The following UGT8 variants were observed in gnomAD, a reference collection of about 807,000 sequenced individuals.
The protein encoded by UGT8 is UDP glycosyltransferase 8, also known as 2-hydroxyacylsphingosine 1-beta-galactosyltransferase.
In UGT8, 12 loss-of-function variants were observed where a neutral mutation model predicts 40.5. That is an observed-to-expected ratio of 0.30 (90% CI 0.19 to 0.48). UGT8 has a LOEUF of 0.48. UGT8 is among the 20% of genes least tolerant of loss of function. The pLI is 0.99. For missense variants in UGT8, 513 were observed against 648.7 expected (o/e 0.79, Z 2.27); for synonymous variants, 224 against 240.4 (o/e 0.93, Z 0.63).
intron 2 of UGT8, among the ~76,000 whole-genome samples, chr4:114,647,558 G>T (rs1191416490): frequency 4.6e-5 from 7 of 152,016 alleles, no homozygotes; most frequent in Admixed American, 4.6e-4. Flanking sequence ...TAGAGGCGGG[G>T]TTTCACCACA....
intron 1 of UGT8, among the ~76,000 whole-genome samples, chr4:114,600,635 T>A (rs1268373600): frequency 2.0e-5 from 3 of 152,218 alleles, no homozygotes; most frequent in Non-Finnish European, 4.4e-5. Context: ...CAGTACCCAA[T>A]GGTTATCTTT....
chr4:114,630,427 C>G (rs1004957135), intron 2 of UGT8, among the ~76,000 whole-genome samples: 14 of 152,202 alleles, frequency 9.2e-5, no homozygotes, highest in Admixed American at 8.5e-4. Flanking sequence ...GCAGTTATTA[C>G]TCTATTACTC....
At chr4:114,663,973 A>T in intron 2 of UGT8, 22 bp from the exon 3 acceptor site, 1 of 1,613,016 alleles carries the variant, frequency 6.2e-7, no homozygotes, top group Non-Finnish European at 8.5e-7. Flanking sequence ...CGTAAAACTT[A>T]CTGCCATGTT....
intron 2 of UGT8, among the ~76,000 whole-genome samples, chr4:114,641,963 A>G (rs990354485): frequency 1.3e-5 from 2 of 152,204 alleles, no homozygotes; most frequent in African/African-American, 4.8e-5. Flanking sequence ...ACAAGATGAC[A>G]TGCAATAGTT....
intron 1 of UGT8, among the ~76,000 whole-genome samples, chr4:114,599,739 A>T (rs1730326748): frequency 6.6e-6 from 1 of 152,056 alleles, no homozygotes; most frequent in Non-Finnish European, 1.5e-5. Flanking sequence ...CGCTGCTGGC[A>T]AAAAGAAGGG....
chr4:114,627,548 G>A (rs190012220), intron 2 of UGT8, among the ~76,000 whole-genome samples: 19 of 152,112 alleles, frequency 1.2e-4, no homozygotes, highest in East Asian at 1.9e-4. Context: ...GTGAGCCACC[G>A]CGCCTGGCCA....
intron 2 of UGT8, among the ~76,000 whole-genome samples, chr4:114,630,603 G>A (rs993102999): frequency 6.6e-6 from 1 of 151,856 alleles, no homozygotes; most frequent in Non-Finnish European, 1.5e-5. Flanking sequence ...CTTCATTCGG[G>A]CTGTTGACAC....
chr4:114,656,138 GTTAC>G (rs1236818501), intron 2 of UGT8, among the ~76,000 whole-genome samples: 4 of 152,120 alleles, frequency 2.6e-5, no homozygotes, highest in South Asian at 2.1e-4. Context: ...TGATTAAGGT[GTTAC>G]TTACAAGACT....
chr4:114,659,020 T>C (rs1278588001), intron 2 of UGT8, among the ~76,000 whole-genome samples: 1 of 152,108 alleles, frequency 6.6e-6, no homozygotes, highest in Non-Finnish European at 1.5e-5. Flanking sequence ...TGGAGGGACA[T>C]GGGAGGACAA....
intron 1 of UGT8, 73 bp downstream of exon 1, chr4:114,599,047 T>A (rs1463239832): frequency 8.1e-6 from 1 of 122,728 alleles, no homozygotes; most frequent in Non-Finnish European, 1.7e-5. Context: ...GGGCGTTGTT[T>A]GCTCCCTGAG....
chr4:114,655,299 A>G (rs1022684496), intron 2 of UGT8, among the ~76,000 whole-genome samples: 1 of 152,090 alleles, frequency 6.6e-6, no homozygotes, highest in Non-Finnish European at 1.5e-5. Flanking sequence ...AATGCTGGAT[A>G]TGCATGCCAT....
chr4:114,637,047 A>C lies in UGT8; in HGVS notation c.822+13345A>C, dbSNP rs372681577. ...ATTGGAGGTCTAGTAACAGTGAGGCATTAGTCAAAAGAATCAATACCAGCA... is the reference window on the plus strand; with the variant it reads ...ATTGGAGGTCTAGTAACAGTGAGGCCTTAGTCAAAAGAATCAATACCAGCA... On this transcript the variant is annotated intron_variant, in intron 2 of 5. Transcript: ENST00000310836. Among the ~76,000 whole-genome samples, 6 of 152,318 alleles carry C rather than the reference A, an allele frequency of 3.9e-5. No individual in the cohort carries two copies. In the South Asian group the frequency reaches 1.2e-3, roughly 32 times the overall value.
intron 2 of UGT8, among the ~76,000 whole-genome samples, chr4:114,642,438 T>G (rs762926036): frequency 1.3e-5 from 2 of 152,068 alleles, no homozygotes; most frequent in East Asian, 1.9e-4. Flanking sequence ...TTACAATTTT[T>G]GGGGGTAGAG....
intron 2 of UGT8, among the ~76,000 whole-genome samples, chr4:114,634,759 C>A (rs1292029830): frequency 6.6e-6 from 1 of 152,086 alleles, no homozygotes; most frequent in African/African-American, 2.4e-5. Context: ...TTGACAAGAT[C>A]ACTTTACCTT....
At chr4:114,645,520 A>C (rs1013812713) in intron 2 of UGT8, among the ~76,000 whole-genome samples, 5 of 152,044 alleles carry the variant, frequency 3.3e-5, no homozygotes, top group Non-Finnish European at 5.9e-5. Flanking sequence ...TACACATAAT[A>C]TTTTTTTGTG....
upstream of UGT8, chr4:114,598,764 C>G (rs1212164191): frequency 6.6e-6 from 1 of 152,048 alleles, no homozygotes; most frequent in African/African-American, 2.4e-5. Flanking sequence ...GCTGAGGACC[C>G]GAGGGAGGAC....
intron 4 of UGT8, among the ~76,000 whole-genome samples, chr4:114,666,883 G>A (rs1734918043): frequency 6.6e-6 from 1 of 152,012 alleles, no homozygotes; most frequent in South Asian, 2.1e-4. Context: ...ATCCTTGTGA[G>A]TCCTCTAATA....
chr4:114,630,564 G>A (rs1371305802), intron 2 of UGT8, among the ~76,000 whole-genome samples: 1 of 152,052 alleles, frequency 6.6e-6, no homozygotes, highest in Admixed American at 6.5e-5. Context: ...GATGTAGGAG[G>A]GATGTGGAGC....
At chr4:114,651,745 T>A (rs750821097) in intron 2 of UGT8, among the ~76,000 whole-genome samples, 1 of 152,084 alleles carries the variant, frequency 6.6e-6, no homozygotes, top group Non-Finnish European at 1.5e-5. Flanking sequence ...AAAATATACC[T>A]GAAATACTGA....
Sources: allele counts gnomAD v4.1 joint callset (sites outside exome capture counted in the v4.1 genomes callset), GRCh38; gene constraint gnomAD v4.1.1; transcripts MANE v1.5; gene names NCBI Gene and HGNC (gene_info 2026-07-23, HGNC 2026-07-21).